Variants in CECR2 observed in about 807,000 individuals in gnomAD.
CECR2 encodes CECR2 histone acetyl-lysine reader.
Under a neutral mutation model 154.5 loss-of-function variants are expected in CECR2, and 30 were observed. That is an observed-to-expected ratio of 0.19 (90% CI 0.15 to 0.26). CECR2 has a LOEUF of 0.26. Among genes scored for constraint, CECR2 ranks in the 10% least tolerant of loss-of-function variants. The pLI is 1.00. For synonymous variants in CECR2, 725 were observed against 683.7 expected, an observed-to-expected ratio of 1.06 and a Z score of -0.94; for missense variants, 1,743 against 1,829.3, an observed-to-expected ratio of 0.95 and a Z score of 0.86.
At chr22:17,502,648 C>A (rs1318281102) in intron 5 of CECR2, among the ~76,000 whole-genome samples, 1 of 151,904 alleles carries the variant, frequency 6.6e-6, no homozygotes, top group African/African-American at 2.4e-5. Context: ...CTAAAAAATA[C>A]AAAAATTAGC....
At chr22:17,538,790 T>C in intron 12 of CECR2, 59 bp downstream of exon 12, 1 of 1,444,506 alleles carries the variant, frequency 6.9e-7, no homozygotes, top group Non-Finnish European at 9.5e-7. Context: ...TTGGGTTTTG[T>C]TGTTTGTTTG....
intron 2 of CECR2, among the ~76,000 whole-genome samples, chr22:17,497,172 G>A (rs1273985297): frequency 6.6e-6 from 1 of 152,088 alleles, no homozygotes; most frequent in Non-Finnish European, 1.5e-5. Flanking sequence ...GTGCATGCCT[G>A]TGGTCCCAGG....
At chr22:17,435,195 CTT>C (rs2054485026) in intron 1 of CECR2, among the ~76,000 whole-genome samples, 1 of 151,906 alleles carries the variant, frequency 6.6e-6, no homozygotes, top group African/African-American at 2.4e-5. Context: ...AAAGTTTTTT[CTT>C]TCTTTCTTTC....
chr22:17,381,867 G>A (rs1371340450), intron 1 of CECR2, among the ~76,000 whole-genome samples: 1 of 151,014 alleles, frequency 6.6e-6, no homozygotes, highest in Non-Finnish European at 1.5e-5. Context: ...TAGTTAGCTA[G>A]GTCAGAGAGC....
chr22:17,553,150 A>G lies in CECR2; in HGVS notation c.*310A>G. 2.9e-6 allele frequency: 1 copy of G among 346,634 alleles called. No homozygotes were observed. The highest frequency in any genetic ancestry group is 4.8e-6 in the Non-Finnish European group (1 of 207,162). The allele number at this position is 346,634 out of a possible 1,614,324, so 21.5% of individuals were successfully genotyped here. On this transcript the variant is annotated 3_prime_UTR_variant, in exon 19 of 19. Coordinates refer to ENST00000262608, the MANE Select transcript of CECR2 (RefSeq NM_001290047.2). ...AATCCTGAGACACTTTTCAGGGAAAATCACTTTAAACTTGGGGGAGGGGGT... is the reference window on the plus strand; with the variant it reads ...AATCCTGAGACACTTTTCAGGGAAAGTCACTTTAAACTTGGGGGAGGGGGT...
intron 1 of CECR2, among the ~76,000 whole-genome samples, chr22:17,429,124 T>C (rs547751321): frequency 1.3e-5 from 2 of 151,464 alleles, no homozygotes; most frequent in African/African-American, 4.8e-5. Flanking sequence ...TAGGGGAGAG[T>C]CTGGAATCAT....
Position 17,361,289 on chromosome 22 carries a change from C to A in CECR2, c.-364+1266C>A, listed in dbSNP as rs141113314. Among the ~76,000 whole-genome samples the A allele has an allele frequency of 4.8e-4, 73 of 152,278 alleles. No homozygotes were observed. The East Asian group carries it at 0.014, about 29-fold the overall frequency. The stretch of plus-strand genomic sequence containing the variant: ...TATCATTGAGGTCAGGAGTTTGAGA[C>A]CAGCCTGGCCAACATGGCAAAACCC... On this transcript the variant is annotated intron_variant, in intron 1 of 18. Transcript: ENST00000400585.
chr22:17,479,765 C>CTTTTTTTT (rs571664926), intron 2 of CECR2, among the ~76,000 whole-genome samples: 12 of 117,084 alleles, frequency 1.0e-4, no homozygotes, highest in African/African-American at 3.9e-4. Context: ...TGTGGTCTTT[C>CTTTTTTTT]TTTTTTTTTT....
At position 17,393,414 on chromosome 22, in the gene CECR2, C is replaced by A. The variant is rs561655548; in HGVS notation, c.126+23505C>A. Among the ~76,000 whole-genome samples the A allele has an allele frequency of 2.4e-4, 36 of 152,162 alleles. 1 individual carries two copies. In the South Asian group the frequency reaches 6.2e-3, roughly 26 times the overall value. ...TATATAATAATTTTTATTTTATTTACCCATTGGTGGACATTTAGGTTATTT... is the reference window on the plus strand; with the variant it reads ...TATATAATAATTTTTATTTTATTTAACCATTGGTGGACATTTAGGTTATTT... On this transcript the variant is annotated intron_variant, in intron 1 of 18. Coordinates refer to ENST00000262608, the MANE Select transcript of CECR2 (RefSeq NM_001290047.2).
intron 1 of CECR2, among the ~76,000 whole-genome samples, chr22:17,371,446 T>G (rs1206294677): frequency 6.6e-6 from 1 of 152,220 alleles, no homozygotes; most frequent in African/African-American, 2.4e-5. Context: ...AGCATAATTT[T>G]ATTAATGAAA....
At chr22:17,418,722 A>G in intron 1 of CECR2, 1 of 518,978 alleles carries the variant, frequency 1.9e-6, no homozygotes, top group Non-Finnish European at 2.7e-6. Flanking sequence ...GATTTGGGCA[A>G]AGACCCCAAT....
chr22:17,458,756 A>G (rs1422287984), intron 1 of CECR2, among the ~76,000 whole-genome samples: 3 of 152,222 alleles, frequency 2.0e-5, no homozygotes, highest in African/African-American at 7.2e-5. Flanking sequence ...CTTGGAAAGC[A>G]CTGATTTAAA....
At chr22:17,527,364 G>A (rs1207745307) in intron 9 of CECR2, among the ~76,000 whole-genome samples, 1 of 152,096 alleles carries the variant, frequency 6.6e-6, no homozygotes, top group Non-Finnish European at 1.5e-5. Context: ...AAGCTGAGAT[G>A]GGCAGATAGC....
intron 13 of CECR2, among the ~76,000 whole-genome samples, chr22:17,539,400 A>T (rs2056486791): frequency 6.6e-6 from 1 of 152,024 alleles, no homozygotes; most frequent in Non-Finnish European, 1.5e-5. Context: ...CACCGAGGGG[A>T]CTGACCCTAC....
In CECR2 at chr22:17,431,929, G is replaced by T. The variant is rs73876439; in HGVS notation, c.127-45659G>T. ...TTCAACACCCCAAACCTTTCAGCAG[G>T]CACACTCCACTCACGTTTTTCCCCA... is the stretch of plus-strand genomic sequence containing the variant. On this transcript the variant is annotated intron_variant, in intron 1 of 18. Transcript: ENST00000262608. 8.0e-3 allele frequency among the ~76,000 whole-genome samples: 1,213 copies of T among 151,998 alleles called. 26 individuals carry two copies. Among genetic ancestry groups the T allele is most frequent in the African/African-American group, 0.026 (1,091 of 41,304 alleles).
At chr22:17,401,838 G>A (rs746667893) in intron 1 of CECR2, among the ~76,000 whole-genome samples, 17 of 74,356 alleles carry the variant, frequency 2.3e-4, no homozygotes, top group South Asian at 4.0e-4. Context: ...ACCCCCCCCC[G>A]CCCCCGCTGC....
chr22:17,427,699 G>C (rs2146623893), intron 1 of CECR2, among the ~76,000 whole-genome samples: 1 of 152,272 alleles, frequency 6.6e-6, no homozygotes, highest in Non-Finnish European at 1.5e-5. Flanking sequence ...GCAGGTTGCG[G>C]CTGCTGGCTT....
At chr22:17,413,877 C>T (rs2054105180) in intron 1 of CECR2, among the ~76,000 whole-genome samples, 1 of 148,992 alleles carries the variant, frequency 6.7e-6, no homozygotes, top group Non-Finnish European at 1.5e-5. Flanking sequence ...CAGGGTTTCA[C>T]CATGGTAGCC....
chr22:17,544,791 C>A (rs1182219189), intron 16 of CECR2, among the ~76,000 whole-genome samples: 5 of 89,154 alleles, frequency 5.6e-5, no homozygotes, highest in African/African-American at 9.1e-5. Context: ...GCCTGGGCCA[C>A]AAAGTGAGAC....
Sources: gnomAD v4.1 joint callset for allele counts (sites outside exome capture counted in the v4.1 genomes callset) on GRCh38, gnomAD v4.1.1 for gene constraint, MANE v1.5 for transcripts, NCBI Gene and HGNC (gene_info 2026-07-23, HGNC 2026-07-21) for gene names.